NOPCHAP1: variants seen among roughly 807,000 people sequenced by gnomAD.
NOPCHAP1 encodes DNA damage-sensitive RNA 1.
Under a neutral mutation model 14.0 loss-of-function variants are expected in NOPCHAP1, and 13 were observed. The ratio of observed to expected loss-of-function variants is 0.93; its 90% CI spans 0.60 to 1.47. The LOEUF (loss-of-function observed/expected upper bound fraction) is 1.47, where lower values mean the gene tolerates loss of function less well. Among genes scored for constraint, NOPCHAP1 ranks in the 40% most tolerant of loss-of-function variants. The pLI is 0.00. For missense variants in NOPCHAP1, 230 were observed against 226.9 expected (o/e 1.01, Z -0.09); for synonymous variants, 78 against 78.4 (o/e 1.00, Z 0.03).
rs1873628615 is a variant in NOPCHAP1, at chr12:105,002,549, A to G, written c.*7853A>G. ...ATGAGATTGTATGATGGACCAATCA[A>G]TTTTTTGTAGCAAAATCTTAGGAAT... On this transcript the variant is annotated 3_prime_UTR_variant, in exon 4 of 4. Transcript: ENST00000552951. 1.3e-5 allele frequency: 2 copies of G among 152,284 alleles called. No homozygotes were observed. The highest frequency in any genetic ancestry group is 1.3e-4 in the Admixed American group (2 of 15,292). The allele number at this position is 152,284 out of a possible 1,614,324, so 9.4% of individuals were successfully genotyped here.
Position 105,001,337 on chromosome 12 carries a change from A to C in NOPCHAP1, c.*6641A>C, listed in dbSNP as rs1437905477. On this transcript the variant is annotated 3_prime_UTR_variant, in exon 4 of 4. Transcript: ENST00000552951. ...CCCATTAAGGGTGGCAATTGATGAA[A>C]TCCATCTGTAAACATTCAAATGGTC... 6.6e-6 allele frequency: 1 copy of C among 152,242 alleles called. No individual in the cohort carries two copies. Among genetic ancestry groups the C allele is most frequent in the East Asian group, 1.9e-4 (1 of 5,204 alleles). The allele number at this position is 152,242 out of a possible 1,614,324, so 9.4% of individuals were successfully genotyped here.
rs1306967595 is a variant in NOPCHAP1, at chr12:105,005,678, A to G, written c.*10982A>G. ...ATCCTTTTGTTACTTGGGCGTGGAA[A>G]GTTGGGGTTTTCCTTTTGATTCAGT... On this transcript the variant is annotated 3_prime_UTR_variant, in exon 4 of 4. Transcript: ENST00000552951. The G allele has an allele frequency of 6.6e-6, 1 of 152,202 alleles. No individual in the cohort carries two copies. Among genetic ancestry groups the G allele is most frequent in the Non-Finnish European group, 1.5e-5 (1 of 68,044 alleles). The allele number at this position is 152,202 out of a possible 1,614,324, so 9.4% of individuals were successfully genotyped here.
rs553557771 is a variant in NOPCHAP1, at chr12:104,987,658, A to G, written c.116-509A>G. On this transcript the variant is annotated intron_variant, in intron 1 of 3. Transcript: ENST00000552951. ...TGAGTAGTGAGAAATGAGGCTGGAA[A>G]GGTAGAGTGGGTGACAAAATCCCCA... 9.9e-5 allele frequency among the ~76,000 whole-genome samples: 15 copies of G among 152,284 alleles called. No individual in the cohort carries two copies. In the South Asian group the frequency reaches 1.9e-3, roughly 19 times the overall value.
intron 2 of NOPCHAP1, among the ~76,000 whole-genome samples, chr12:104,989,545 G>T (rs1442386253): frequency 3.9e-5 from 6 of 152,160 alleles, no homozygotes; most frequent in African/African-American, 1.2e-4. Context: ...TTCTCTGGCT[G>T]CCTTTAAGAT....
In NOPCHAP1 at chr12:105,011,447, C is replaced by T. The variant is rs950498766; in HGVS notation, c.*16751C>T. ...TCTTTATCCAGTTTGACTGATGGAT[C>T]TTGACTCTTTATCCTGTGTCTTTTA... On this transcript the variant is annotated 3_prime_UTR_variant, in exon 4 of 4. Transcript: ENST00000552951. 1.3e-5 allele frequency: 2 copies of T among 152,046 alleles called. No homozygotes were observed. Among genetic ancestry groups the T allele is most frequent in the Non-Finnish European group, 2.9e-5 (2 of 67,988 alleles). 9.4% of individuals were successfully genotyped at this position (152,046 alleles called of 1,614,324 possible). A position where few individuals can be genotyped will look rare whatever the true frequency, so the allele number is the denominator to read the frequency against.
intron 2 of NOPCHAP1, among the ~76,000 whole-genome samples, chr12:104,991,348 G>T (rs923317794): frequency 6.6e-6 from 1 of 152,196 alleles, no homozygotes; most frequent in Non-Finnish European, 1.5e-5. Context: ...AATTCAGATA[G>T]AGGTAGAACT....
rs1320776050 is a variant in NOPCHAP1 at position 104,995,383 on chromosome 12, T to C, written c.*687T>C. 1 of 152,288 alleles carries C rather than the reference T, an allele frequency of 6.6e-6. No individual in the cohort carries two copies. Among genetic ancestry groups the C allele is most frequent in the Non-Finnish European group, 1.5e-5 (1 of 68,108 alleles). 9.4% of individuals were successfully genotyped at this position (152,288 alleles called of 1,614,324 possible). On this transcript the variant is annotated 3_prime_UTR_variant, in exon 4 of 4. Transcript: ENST00000552951. Reference sequence around the variant, plus strand: ...ACAATAGTGTCAGCTACAAATTGTATTGAATTTTCTGTAGTAGCAAAATCT... The same window carrying C: ...ACAATAGTGTCAGCTACAAATTGTACTGAATTTTCTGTAGTAGCAAAATCT...
At position 104,986,402 on chromosome 12, in the gene NOPCHAP1, C is replaced by T. The variant is rs374997946; in HGVS notation, c.50C>T (p.Thr17Ile). The change falls in exon 1 of 4, where the codon ACC (threonine) becomes ATC (isoleucine). Residue 17 changes from threonine to isoleucine, a missense_variant. Transcript: ENST00000552951. Reference sequence around the variant, plus strand: ...GCTAGCCCGAGTTGTTCGTCGCCCACCCGGGATTCCTCAGGAGTCCCAGTG... The same window carrying T: ...GCTAGCCCGAGTTGTTCGTCGCCCATCCGGGATTCCTCAGGAGTCCCAGTG... ...PKASPSCSSP[T>I]RDSSGVPVSK... The T allele has an allele frequency of 1.8e-5, 29 of 1,611,806 alleles. No individual in the cohort carries two copies. Among genetic ancestry groups the T allele is most frequent in the Admixed American group, 3.3e-5 (2 of 59,790 alleles).
At position 105,015,565 on chromosome 12, in the gene NOPCHAP1, G is replaced by C. The variant is rs1565943303; in HGVS notation, c.*20869G>C. 1 of 152,216 alleles carries C rather than the reference G, an allele frequency of 6.6e-6. No homozygotes were observed. The highest frequency in any genetic ancestry group is 1.5e-5 in the Non-Finnish European group (1 of 68,040). 9.4% of individuals were successfully genotyped at this position (152,216 alleles called of 1,614,324 possible). A position where few individuals can be genotyped will look rare whatever the true frequency, so the allele number is the denominator to read the frequency against. The stretch of plus-strand genomic sequence containing the variant: ...AATAATACATAAGTTTTAAGTTGCT[G>C]AATAATGTGATGAAATCTTAGGCTG... On this transcript the variant is annotated 3_prime_UTR_variant, in exon 4 of 4. Coordinates refer to ENST00000552951, the MANE Select transcript of NOPCHAP1 (RefSeq NM_152318.3).
rs1565943125 is a variant in NOPCHAP1 at position 105,014,390 on chromosome 12, G to A, written c.*19694G>A. ...TTTTTTTAAGCCATGCAGTTCATCT[G>A]TGAATTTTTTCAAATTGTCACAAAT... On this transcript the variant is annotated 3_prime_UTR_variant, in exon 4 of 4. Transcript: ENST00000552951. The A allele has an allele frequency of 6.6e-6, 1 of 152,092 alleles. No homozygotes were observed. The highest frequency in any genetic ancestry group is 1.5e-5 in the Non-Finnish European group (1 of 68,026). 9.4% of individuals were successfully genotyped at this position (152,092 alleles called of 1,614,324 possible).
chr12:104,988,206 C>G lies in NOPCHAP1; in HGVS notation c.155C>G (p.Ser52Cys). Residue 52 changes from serine to cysteine, a missense_variant, in exon 2 of 4, where the codon TCC (serine) becomes TGC (cysteine). Physicochemically the swap from Ser to Cys is moderately radical, Grantham distance 112 (BLOSUM62 -1). Coordinates refer to ENST00000552951, the MANE Select transcript of NOPCHAP1 (RefSeq NM_152318.3). The part of the protein sequence containing the change: ...DRLLINSQPK[S>C]RKTSTLQTVR... ...TTGCTCATCAACTCCCAACCTAAGT[C>G]CAGAAAGACCTCCACTCTTCAAACA... 6.2e-7 allele frequency: 1 copy of G among 1,613,112 alleles called. No homozygotes were observed. Among genetic ancestry groups the G allele is most frequent in the Non-Finnish European group, 8.5e-7 (1 of 1,179,492 alleles).
chr12:104,988,902 G>A (rs992866605), intron 2 of NOPCHAP1, among the ~76,000 whole-genome samples: 1 of 152,124 alleles, frequency 6.6e-6, no homozygotes, highest in African/African-American at 2.4e-5. Context: ...TAGCTGAAAT[G>A]ACCATATGGT....
In NOPCHAP1 at chr12:104,994,611, T is replaced by C. The variant is rs747222960; in HGVS notation, c.473T>C (p.Ile158Thr). ...EDDSIPSEVT[I>T]DNIKLPNSEG... is the part of the protein sequence containing the mutation. Reference sequence around the variant, plus strand: ...GACAGCATCCCATCTGAAGTCACCATAGATAACATTAAGCTTCCCAATTCT... The same window carrying C: ...GACAGCATCCCATCTGAAGTCACCACAGATAACATTAAGCTTCCCAATTCT... The change falls in exon 4 of 4, where the codon ATA becomes ACA. Residue 158 changes from isoleucine to threonine, a missense_variant. Coordinates refer to ENST00000552951, the MANE Select transcript of NOPCHAP1 (RefSeq NM_152318.3). 6.2e-7 allele frequency: 1 copy of C among 1,613,866 alleles called. No homozygotes were observed. Among genetic ancestry groups the C allele is most frequent in the Non-Finnish European group, 8.5e-7 (1 of 1,179,904 alleles).
chr12:104,994,345 T>G, intron 3 of NOPCHAP1, 133 bp from the exon 4 acceptor site: 1 of 832,116 alleles, frequency 1.2e-6, no homozygotes, highest in Admixed American at 2.0e-5. Flanking sequence ...AGACTCTGTC[T>G]CCAAAAAAAA....
chr12:105,014,060 A>G lies in NOPCHAP1; in HGVS notation c.*19364A>G, dbSNP rs1218558507. ...TTCACACAGAGATGATTAGTGTCAC[A>G]TGGTATCGTGAGTAGATACTTGCAA... On this transcript the variant is annotated 3_prime_UTR_variant, in exon 4 of 4. Transcript: ENST00000552951. 6.6e-6 allele frequency: 1 copy of G among 152,224 alleles called. No homozygotes were observed. Among genetic ancestry groups the G allele is most frequent in the Non-Finnish European group, 1.5e-5 (1 of 68,042 alleles). The allele number at this position is 152,224 out of a possible 1,614,324, so 9.4% of individuals were successfully genotyped here.
rs1419076803 is a variant in NOPCHAP1 at position 105,002,074 on chromosome 12, T to C, written c.*7378T>C. ...GGCCCCAAGGAAGGAGGCTTACTGG[T>C]ATACTGAAATAAGAATGCAAAATCT... On this transcript the variant is annotated 3_prime_UTR_variant, in exon 4 of 4. Transcript: ENST00000552951. 1 of 152,182 alleles carries C rather than the reference T, an allele frequency of 6.6e-6. No individual in the cohort carries two copies. The highest frequency in any genetic ancestry group is 1.5e-5 in the Non-Finnish European group (1 of 68,036). 9.4% of individuals were successfully genotyped at this position (152,182 alleles called of 1,614,324 possible). A position where few individuals can be genotyped will look rare whatever the true frequency, so the allele number is the denominator to read the frequency against.
intron 3 of NOPCHAP1, among the ~76,000 whole-genome samples, chr12:104,993,655 A>T (rs769801537): frequency 6.6e-6 from 1 of 152,214 alleles, no homozygotes; most frequent in African/African-American, 2.4e-5. Flanking sequence ...TGAGAATTTC[A>T]TATAATTTTC....
chr12:105,002,602 TC>T lies in NOPCHAP1; in HGVS notation c.*7907del. The T allele has an allele frequency of 6.6e-6, 1 of 152,370 alleles. No individual in the cohort carries two copies. Among genetic ancestry groups the T allele is most frequent in the East Asian group, 1.9e-4 (1 of 5,194 alleles). 9.4% of individuals were successfully genotyped at this position (152,370 alleles called of 1,614,324 possible). A position where few individuals can be genotyped will look rare whatever the true frequency, so the allele number is the denominator to read the frequency against. On this transcript the variant is annotated 3_prime_UTR_variant, in exon 4 of 4. Transcript: ENST00000552951. ...AATTTTAAAGGTTTTCAACAATTTT[TC>T]TAGGTCTCATTGGCCCTACTCTTGA...
rs1051608260 is a variant in NOPCHAP1, at chr12:105,008,298, T to G, written c.*13602T>G. 1 of 152,262 alleles carries G rather than the reference T, an allele frequency of 6.6e-6. No individual in the cohort carries two copies. Among genetic ancestry groups the G allele is most frequent in the Non-Finnish European group, 1.5e-5 (1 of 68,044 alleles). 9.4% of individuals were successfully genotyped at this position (152,262 alleles called of 1,614,324 possible). ...CATAAATGTCTTCTTTTGAGAAGTGTCTGTTCGTATCCTTCGCCCACTTTT... is the reference window on the plus strand; with the variant it reads ...CATAAATGTCTTCTTTTGAGAAGTGGCTGTTCGTATCCTTCGCCCACTTTT... On this transcript the variant is annotated 3_prime_UTR_variant, in exon 4 of 4. Transcript: ENST00000552951.
Sources: gnomAD v4.1 joint callset for allele counts (sites outside exome capture counted in the v4.1 genomes callset) on GRCh38, gnomAD v4.1.1 for gene constraint, MANE v1.5 for transcripts, NCBI Gene and HGNC (gene_info 2026-07-23, HGNC 2026-07-21) for gene names.